The following HNF1A variants were observed in gnomAD, a reference collection of about 807,000 sequenced individuals.
HNF1A encodes HNF1 homeobox A, also known as hepatocyte nuclear factor 1-alpha.
In HNF1A, 21 loss-of-function variants were observed where a neutral mutation model predicts 62.2. The observed-to-expected ratio is 0.34, with a 90% confidence interval of 0.24 to 0.49. HNF1A has a LOEUF of 0.49. Ranked by LOEUF, HNF1A falls within the 20% of genes least tolerant of loss-of-function variation. The pLI, the probability that HNF1A is intolerant of heterozygous loss-of-function variation, is 0.99. For missense variants in HNF1A, 687 were observed against 832.3 expected (o/e 0.83, Z 2.15); for synonymous variants, 374 against 366.8 (o/e 1.02, Z -0.22).
chr12:120,980,028 T>C (rs1876171204), intron 1 of HNF1A, among the ~76,000 whole-genome samples: 1 of 152,112 alleles, frequency 6.6e-6, no homozygotes, highest in Admixed American at 6.5e-5. Context: ...AGCGGCTCCC[T>C]GACCTCCACC....
At chr12:120,989,435 T>C (rs952892734) in intron 2 of HNF1A, among the ~76,000 whole-genome samples, 3 of 152,088 alleles carry the variant, frequency 2.0e-5, no homozygotes, top group Non-Finnish European at 2.9e-5. Context: ...TTTTTTGTAG[T>C]TTTAGTAGAG....
intron 1 of HNF1A, among the ~76,000 whole-genome samples, chr12:120,982,314 C>T (rs1433077541): frequency 2.0e-5 from 3 of 152,142 alleles, no homozygotes; most frequent in Non-Finnish European, 4.4e-5. Context: ...AGGTGATCCG[C>T]CCGCCTCGGC....
chr12:120,990,698 G>C (rs1209308591), intron 2 of HNF1A, among the ~76,000 whole-genome samples: 1 of 146,614 alleles, frequency 6.8e-6, no homozygotes, highest in Non-Finnish European at 1.5e-5. Context: ...AAGGAAGGAA[G>C]GAAAAGAAAA....
At chr12:120,990,131 ATTTTT>A (rs371557761) in intron 2 of HNF1A, among the ~76,000 whole-genome samples, 1 of 150,630 alleles carries the variant, frequency 6.6e-6, no homozygotes. Flanking sequence ...ATCCAGGTTA[ATTTTT>A]TTTTATTATT....
chr12:121,001,518 A>G lies in HNF1A; in HGVS notation c.*326A>G. The G allele has an allele frequency of 2.2e-6, 1 of 450,788 alleles. No individual in the cohort carries two copies. The highest frequency in any genetic ancestry group is 4.2e-6 in the Non-Finnish European group (1 of 239,944). The allele number at this position is 450,788 out of a possible 1,614,324, so 27.9% of individuals were successfully genotyped here. A position where few individuals can be genotyped will look rare whatever the true frequency, so the allele number is the denominator to read the frequency against. On this transcript the variant is annotated 3_prime_UTR_variant, in exon 10 of 10. Transcript: ENST00000257555. ...GAAGGGGGCGGCCTATGACTTGGGC[A>G]CCCCCAGCCTGGGCCTATGGAGAGC...
chr12:120,997,031 G>T (rs1877145615), intron 6 of HNF1A: 2 of 1,459,858 alleles, frequency 1.4e-6, no homozygotes, highest in African/African-American at 1.4e-5. Flanking sequence ...GGGTAAGGGG[G>T]ACTGATGTTT....
At chr12:120,981,103 G>A (rs902844453) in intron 1 of HNF1A, 3 of 152,160 alleles carry the variant, frequency 2.0e-5, no homozygotes, top group South Asian at 2.1e-4. Flanking sequence ...ATCGGAAAAC[G>A]CCCTGAGTGA....
intron 1 of HNF1A, among the ~76,000 whole-genome samples, chr12:120,987,711 C>T (rs570977041): frequency 6.6e-6 from 1 of 152,108 alleles, no homozygotes; most frequent in East Asian, 1.9e-4. Context: ...GTCCCACCCA[C>T]CTGAAAGGAT....
At position 120,996,707 on chromosome 12, in the gene HNF1A, C is replaced by G; in HGVS notation, c.1274C>G (p.Thr425Arg). Residue 425 changes from threonine (T) to arginine (R), a missense_variant, in exon 6 of 10, where the codon ACG (threonine) becomes AGG (arginine). Around this residue, in one of 5 missense-constraint regions of HNF1A, gnomAD observed 408 missense variants for 455.3 expected, o/e 0.90. Coordinates refer to ENST00000257555, the MANE Select transcript of HNF1A (RefSeq NM_000545.8). The surrounding 1 kb of genome is among the most constrained non-coding windows in gnomAD (Gnocchi z 4.5). ...GPGEPASLGP[T>R]FTNTGASTLV... Reference sequence around the variant, plus strand: ...GGTGAGCCTGCCTCCCTGGGTCCTACGTTCACCAACACAGGTGCCTCCACC... The same window carrying G: ...GGTGAGCCTGCCTCCCTGGGTCCTAGGTTCACCAACACAGGTGCCTCCACC... The G allele has an allele frequency of 6.2e-7, 1 of 1,614,082 alleles. No homozygotes were observed. Among genetic ancestry groups the G allele is most frequent in the Non-Finnish European group, 8.5e-7 (1 of 1,180,000 alleles).
intron 2 of HNF1A, among the ~76,000 whole-genome samples, chr12:120,991,064 A>C (rs1876811808): frequency 6.6e-6 from 1 of 152,158 alleles, no homozygotes; most frequent in Admixed American, 6.5e-5. Context: ...CCACCTACTG[A>C]AGGACTTTTA....
At position 120,998,140 on chromosome 12, in the gene HNF1A, C is replaced by G. The variant is rs138557867; in HGVS notation, c.1501+475C>G. On this transcript the variant is annotated intron_variant, in intron 7 of 9. Transcript: ENST00000257555. ...ACTAAAAGTACAAAAATTAGCCAGG[C>G]GTGGAGGCACGTGCCTGTAGTCCCA... The G allele has an allele frequency of 2.7e-3, 802 of 298,042 alleles. 13 individuals are homozygous for G. The East Asian group carries it at 0.047, about 17-fold the overall frequency. The allele number at this position is 298,042 out of a possible 1,614,324, so 18.5% of individuals were successfully genotyped here. A position where few individuals can be genotyped will look rare whatever the true frequency, so the allele number is the denominator to read the frequency against.
chr12:120,992,047 A>G (rs1876865702), intron 2 of HNF1A, among the ~76,000 whole-genome samples: 1 of 152,206 alleles, frequency 6.6e-6, no homozygotes, highest in Non-Finnish European at 1.5e-5. Context: ...TGCAGAGTCA[A>G]TATATGACTG....
intron 2 of HNF1A, among the ~76,000 whole-genome samples, chr12:120,989,717 T>C (rs1336908518): frequency 6.6e-6 from 1 of 152,210 alleles, no homozygotes; most frequent in Non-Finnish European, 1.5e-5. Flanking sequence ...CCTGGTCCAG[T>C]GCAGAGTATT....
In HNF1A at chr12:120,988,914, C is replaced by G. The variant is rs376387471; in HGVS notation, c.408C>G (p.Thr136=). 3.7e-6 allele frequency: 6 copies of G among 1,614,106 alleles called. No homozygotes were observed. In the African/African-American group the frequency reaches 8.0e-5, roughly 22 times the overall value. Residue 136 remains threonine (T), a synonymous_variant, in exon 2 of 10, where the codon ACC becomes ACG. Transcript: ENST00000257555. ...HNIPQREVVD[T]TGLNQSHLSQ... is the part of the protein sequence containing the mutation. ...TCCCACAGCGGGAGGTGGTCGATAC[C>G]ACTGGCCTCAACCAGTCCCACCTGT...
chr12:120,990,296 C>T lies in HNF1A; in HGVS notation c.526+1264C>T, dbSNP rs1369762881. On this transcript the variant is annotated intron_variant, in intron 2 of 9. Transcript: ENST00000257555. Reference sequence around the variant, plus strand: ...AGCTGGGACTACAGGTGCCCGCCACCACGCCCAGCTAATTTTTTGTATTTT... The same window carrying T: ...AGCTGGGACTACAGGTGCCCGCCACTACGCCCAGCTAATTTTTTGTATTTT... Among the ~76,000 whole-genome samples the T allele has an allele frequency of 2.6e-5, 4 of 152,252 alleles. No homozygotes were observed. In the East Asian group the frequency reaches 5.8e-4, roughly 22 times the overall value.
In HNF1A at chr12:120,978,587, C is replaced by A. The variant is rs909308709; in HGVS notation, c.-182C>A. On this transcript the variant is annotated 5_prime_UTR_variant, in exon 1 of 10. Coordinates refer to ENST00000257555, the MANE Select transcript of HNF1A (RefSeq NM_000545.8). ...CAGGCAGGGGCCCTGATTCACGGGC[C>A]GCTGGGGCCAGGGTTGGGGGTTGGG... 3 of 656,208 alleles carry A rather than the reference C, an allele frequency of 4.6e-6. No homozygotes were observed. The highest frequency in any genetic ancestry group is 8.2e-6 in the Non-Finnish European group (3 of 365,428). The allele number at this position is 656,208 out of a possible 1,614,324, so 40.6% of individuals were successfully genotyped here.
At chr12:120,993,183 A>C (rs1031054781) in intron 2 of HNF1A, among the ~76,000 whole-genome samples, 1 of 152,216 alleles carries the variant, frequency 6.6e-6, no homozygotes, top group African/African-American at 2.4e-5. Flanking sequence ...CAGCTTCCTC[A>C]TCTGTACAAT....
chr12:120,979,557 T>C, intron 1 of HNF1A: 1 of 175,840 alleles, frequency 5.7e-6, no homozygotes, highest in Admixed American at 5.4e-5. Context: ...GTTTGGGGGC[T>C]TTCCTGGCCT....
rs963729550 is a variant in HNF1A, at chr12:121,002,146, A to G, written c.*954A>G. The G allele has an allele frequency of 1.9e-6, 1 of 513,762 alleles. No individual in the cohort carries two copies. The highest frequency in any genetic ancestry group is 3.8e-6 in the Non-Finnish European group (1 of 265,680). The allele number at this position is 513,762 out of a possible 1,614,324, so 31.8% of individuals were successfully genotyped here. ...CCGAGCAGCTGAGCAGGGCCGGGGAACTGGCCAAGCTGAGGTGCCCAGGAG... is the reference window on the plus strand; with the variant it reads ...CCGAGCAGCTGAGCAGGGCCGGGGAGCTGGCCAAGCTGAGGTGCCCAGGAG... On this transcript the variant is annotated 3_prime_UTR_variant, in exon 10 of 10. Coordinates refer to ENST00000257555, the MANE Select transcript of HNF1A (RefSeq NM_000545.8).
Sources: gnomAD v4.1 joint callset for allele counts (sites outside exome capture counted in the v4.1 genomes callset) on GRCh38, gnomAD v4.1.1 for gene constraint, gnomAD v4.1.1 regional missense constraint, Gnocchi (gnomAD v3.1) non-coding constraint, MANE v1.5 for transcripts, NCBI Gene and HGNC (gene_info 2026-07-23, HGNC 2026-07-21) for gene names.